Variants in KLF17 observed in about 807,000 individuals in gnomAD.
KLF17 encodes KLF transcription factor 17.
Under a neutral mutation model 34.2 loss-of-function variants are expected in KLF17, and 31 were observed. That is an observed-to-expected ratio of 0.91 (90% CI 0.68 to 1.22). The LOEUF is 1.22. KLF17 is among the 50% of genes most tolerant of loss of function. The pLI, the probability that KLF17 is intolerant of heterozygous loss-of-function variation, is 0.00. For missense variants in KLF17, 478 were observed against 505.2 expected (o/e 0.95, Z 0.52); for synonymous variants, 179 against 186.7 (o/e 0.96, Z 0.34).
At chr1:44,077,852 A>G in the KLF17 span, among the ~76,000 whole-genome samples, 36 of 152,186 alleles carry the variant, frequency 2.4e-4, no homozygotes, top group Non-Finnish European at 7.3e-5. Flanking sequence ...GTGAATCTCT[A>G]AAGGTGAGCA....
upstream of KLF17, chr1:44,115,780 C>A (rs143147980): frequency 6.6e-6 from 1 of 152,086 alleles, no homozygotes; most frequent in Non-Finnish European, 1.5e-5. Flanking sequence ...GGGAGTATAT[C>A]AGATTGTAAA....
chr1:44,080,527 A>T, the KLF17 span, among the ~76,000 whole-genome samples: 187 of 152,098 alleles, frequency 1.2e-3, no homozygotes, highest in Middle Eastern at 3.4e-3. Context: ...CGTGAGCCAC[A>T]GCACCAGGCT....
At chr1:44,067,411 A>G in the KLF17 span, among the ~76,000 whole-genome samples, 1 of 152,220 alleles carries the variant, frequency 6.6e-6, no homozygotes, top group African/African-American at 2.4e-5. Context: ...TGAGTGACAT[A>G]AGGAAGGCTC....
upstream of KLF17, among the ~76,000 whole-genome samples, chr1:44,116,613 T>C (rs602802): frequency 0.49 from 75,122 of 152,002 alleles, 18,833 homozygotes; most frequent in Middle Eastern, 0.54. Flanking sequence ...AGGCTTCCTT[T>C]CTACTGCACT....
the KLF17 span, among the ~76,000 whole-genome samples, chr1:44,063,731 GT>G: frequency 2.0e-5 from 3 of 152,296 alleles, no homozygotes; most frequent in East Asian, 3.9e-4. Flanking sequence ...GAAAGAATGA[GT>G]TTGTATAGTA....
chr1:44,122,560 C>T, intron 1 of KLF17: 1 of 775,196 alleles, frequency 1.3e-6, no homozygotes. Context: ...CTGAATCCAA[C>T]AACCGAATAC....
chr1:44,056,024 T>G, the KLF17 span, among the ~76,000 whole-genome samples: 2 of 152,224 alleles, frequency 1.3e-5, no homozygotes, highest in Non-Finnish European at 2.9e-5. Flanking sequence ...ATACCCAGAC[T>G]CTCAGTACAT....
At position 44,118,839 on chromosome 1, in the gene KLF17, C is replaced by T. The variant is rs1398998641; in HGVS notation, c.-69C>T. 3 of 1,242,282 alleles carry T rather than the reference C, an allele frequency of 2.4e-6. No individual in the cohort carries two copies. The highest frequency in any genetic ancestry group is 5.2e-5 in the Admixed American group (2 of 38,676). The allele number at this position is 1,242,282 out of a possible 1,614,324, so 77.0% of individuals were successfully genotyped here. A position where few individuals can be genotyped will look rare whatever the true frequency, so the allele number is the denominator to read the frequency against. The stretch of plus-strand genomic sequence containing the variant: ...TTGTGGCGTGGCGATGTACCGATAC[C>T]CGCCTGCGACGCCGTGGTGGCTGGT... On this transcript the variant is annotated 5_prime_UTR_variant, in exon 1 of 4. Coordinates refer to ENST00000372299, the MANE Select transcript of KLF17 (RefSeq NM_173484.4).
chr1:44,055,611 C>T, the KLF17 span, among the ~76,000 whole-genome samples: 15 of 152,274 alleles, frequency 9.9e-5, no homozygotes, highest in South Asian at 4.1e-4. Context: ...ATGCTCTTCC[C>T]GCCACATATT....
At chr1:44,132,028 C>G (rs1381884240) in intron 3 of KLF17, among the ~76,000 whole-genome samples, 2 of 152,074 alleles carry the variant, frequency 1.3e-5, no homozygotes, top group African/African-American at 4.8e-5. Context: ...AATTTGAGGC[C>G]GGGCGCAGTG....
chr1:44,045,741 C>T, the KLF17 span, among the ~76,000 whole-genome samples: 2 of 152,182 alleles, frequency 1.3e-5, no homozygotes, highest in Non-Finnish European at 2.9e-5. Context: ...CACTCAAATG[C>T]TTTCTCAACA....
intron 1 of KLF17, among the ~76,000 whole-genome samples, chr1:44,123,016 T>C (rs989145674): frequency 6.6e-6 from 1 of 152,236 alleles, no homozygotes; most frequent in Non-Finnish European, 1.5e-5. Flanking sequence ...TTTTTTTCTT[T>C]TAGAGGCAGA....
At chr1:44,086,124 G>C in the KLF17 span, among the ~76,000 whole-genome samples, 1 of 152,210 alleles carries the variant, frequency 6.6e-6, no homozygotes, top group Non-Finnish European at 1.5e-5. Context: ...TGGAGGGAAA[G>C]TGGAGACGCT....
At chr1:44,103,476 C>T in the KLF17 span, 2 of 905,428 alleles carry the variant, frequency 2.2e-6, no homozygotes, top group Non-Finnish European at 1.8e-6. Context: ...GAGGCCGGGG[C>T]TCGTGAGGCC....
chr1:44,128,032 C>T (rs1232244875), intron 1 of KLF17, among the ~76,000 whole-genome samples: 2 of 151,868 alleles, frequency 1.3e-5, no homozygotes, highest in African/African-American at 4.8e-5. Flanking sequence ...TAGCTTTATT[C>T]GTTTCTCAAC....
At chr1:44,070,859 C>T in the KLF17 span, among the ~76,000 whole-genome samples, 5 of 152,022 alleles carry the variant, frequency 3.3e-5, no homozygotes, top group Admixed American at 3.3e-4. Context: ...TACAAATTTG[C>T]AAGTAAGTTA....
At chr1:44,064,036 A>G in the KLF17 span, among the ~76,000 whole-genome samples, 5 of 152,192 alleles carry the variant, frequency 3.3e-5, no homozygotes, top group African/African-American at 1.2e-4. Context: ...AAGTGGACCA[A>G]AAGAGGCACA....
the KLF17 span, among the ~76,000 whole-genome samples, chr1:44,054,829 G>T: frequency 0.016 from 2,301 of 141,164 alleles, 56 homozygotes; most frequent in Middle Eastern, 0.068. Flanking sequence ...ACCCAGGCTG[G>T]AATGCAGTGG....
the KLF17 span, among the ~76,000 whole-genome samples, chr1:44,046,563 ACACACTC>A: frequency 1.3e-5 from 2 of 148,728 alleles, no homozygotes; most frequent in African/African-American, 4.9e-5. Context: ...ACACACACAC[ACACACTC>A]ATCTAATCTT....
Sources: gnomAD v4.1 joint callset for allele counts (sites outside exome capture counted in the v4.1 genomes callset) on GRCh38, gnomAD v4.1.1 for gene constraint, MANE v1.5 for transcripts, NCBI Gene and HGNC (gene_info 2026-07-23, HGNC 2026-07-21) for gene names.